CCNA2: variants seen among roughly 807,000 people sequenced by gnomAD.
The protein encoded by CCNA2 is cyclin A2, also known as cyclin-A2.
CCNA2 carries 3 observed loss-of-function variants against 49.4 expected under a neutral mutation model. The observed-to-expected ratio is 0.06, with a 90% CI of 0.03 to 0.16. The LOEUF is 0.16. Among genes scored for constraint, CCNA2 ranks in the 10% least tolerant of loss-of-function variants. The pLI is 1.00. For synonymous variants in CCNA2, 206 were observed against 197.2 expected, an observed-to-expected ratio of 1.04 and a Z score of -0.37; for missense variants, 372 against 519.7, an observed-to-expected ratio of 0.72 and a Z score of 2.76.
At position 121,818,135 on chromosome 4, in the gene CCNA2, G is replaced by A. The variant is rs200516052; in HGVS notation, c.1159C>T (p.Leu387Phe). The A allele has an allele frequency of 7.4e-6, 12 of 1,613,782 alleles. No individual in the cohort carries two copies. The Admixed American group carries it at 1.5e-4, about 20-fold the overall frequency. Residue 387 changes from leucine to phenylalanine, a missense_variant, in exon 7 of 8, where the codon CTT becomes TTT. Coordinates refer to ENST00000274026, the MANE Select transcript of CCNA2 (RefSeq NM_001237.5). ...TGAAGGTCCATGAGACAAGGCTTAA[G>A]ACTTTCCAGGGTATATCCAGTCTTT... is the stretch of plus-strand genomic sequence containing the variant. ...IRKTGYTLES[L>F]KPCLMDLHQT...
chr4:121,820,428 TA>T lies in CCNA2; in HGVS notation c.794+113del. On this transcript the variant is annotated intron_variant, in intron 4 of 7. Coordinates refer to ENST00000274026, the MANE Select transcript of CCNA2 (RefSeq NM_001237.5). This position sits in a 1 kb window ranked among gnomAD's most constrained non-coding sequence, Gnocchi z 4.1. ...CTAAGCCCCAGCACATTGCCATCCC[TA>T]AAGTAGTCACTGACTCTGCCTGGTG... 2.8e-6 allele frequency: 2 copies of T among 702,492 alleles called. No individual in the cohort carries two copies. Among genetic ancestry groups the T allele is most frequent in the Non-Finnish European group, 4.9e-6 (2 of 409,414 alleles). The allele number at this position is 702,492 out of a possible 1,614,324, so 43.5% of individuals were successfully genotyped here. A position where few individuals can be genotyped will look rare whatever the true frequency, so the allele number is the denominator to read the frequency against.
rs1290980712 is a variant in CCNA2, at chr4:121,820,401, C to T, written c.794+141G>A. ...AGAACAGTTTCATCCTCCTCCACTGCCCTAAGCCCCAGCACATTGCCATCC... is the reference window on the plus strand; with the variant it reads ...AGAACAGTTTCATCCTCCTCCACTGTCCTAAGCCCCAGCACATTGCCATCC... On this transcript the variant is annotated intron_variant, in intron 4 of 7. Transcript: ENST00000274026. This position sits in a 1 kb window ranked among gnomAD's most constrained non-coding sequence, Gnocchi z 4.1. 4.8e-6 allele frequency: 3 copies of T among 618,856 alleles called. No homozygotes were observed. The highest frequency in any genetic ancestry group is 8.7e-6 in the Non-Finnish European group (3 of 345,522). The allele number at this position is 618,856 out of a possible 1,614,324, so 38.3% of individuals were successfully genotyped here.
intron 1 of CCNA2, 99 bp from the exon 2 acceptor site, chr4:121,822,745 A>G: frequency 8.1e-7 from 1 of 1,230,060 alleles, no homozygotes; most frequent in South Asian, 1.5e-5. Context: ...CTCTATCAGG[A>G]ATTAAACTTT....
At chr4:121,821,177 A>C in intron 2 of CCNA2, 86 bp from the exon 3 acceptor site, 48 of 1,458,654 alleles carry the variant, frequency 3.3e-5, no homozygotes, top group Non-Finnish European at 3.9e-5. Flanking sequence ...AAGGAATCTC[A>C]TATTAACAAA....
intron 6 of CCNA2, among the ~76,000 whole-genome samples, chr4:121,818,529 C>T (rs1724606940): frequency 6.6e-6 from 1 of 152,132 alleles, no homozygotes; most frequent in Non-Finnish European, 1.5e-5. Context: ...CAAATCTGTA[C>T]ATATTCAAGT....
In CCNA2 at chr4:121,817,077, T is replaced by TGTTGA. The variant is rs1368812563; in HGVS notation, c.*556_*560dup. 3 of 472,602 alleles carry TGTTGA rather than the reference T, an allele frequency of 6.3e-6. No individual in the cohort carries two copies. Among genetic ancestry groups the TGTTGA allele is most frequent in the Non-Finnish European group, 7.4e-6 (2 of 271,826 alleles). The allele number at this position is 472,602 out of a possible 1,614,324, so 29.3% of individuals were successfully genotyped here. A position where few individuals can be genotyped will look rare whatever the true frequency, so the allele number is the denominator to read the frequency against. The stretch of plus-strand genomic sequence containing the variant: ...CCCACCCTCTTCCACTCCCAACCTC[T>TGTTGA]GTTGAGTTTACCTCGCAAAACCTAA... On this transcript the variant is annotated 3_prime_UTR_variant, in exon 8 of 8. Transcript: ENST00000274026.
Position 121,816,825 on chromosome 4 carries a change from AAAG to A in CCNA2, c.*810_*812del, listed in dbSNP as rs757068837. ...AAAGCACCAAGTAAAAAGCCAGTGAAAAGAAGAAAAAAGAAGAGAGCTGCCAAT... is the reference window on the plus strand; with the variant it reads ...AAAGCACCAAGTAAAAAGCCAGTGAAAAGAAAAAAGAAGAGAGCTGCCAAT... On this transcript the variant is annotated 3_prime_UTR_variant, in exon 8 of 8. Transcript: ENST00000274026. 6.9e-6 allele frequency: 11 copies of A among 1,595,052 alleles called. No individual in the cohort carries two copies. The highest frequency in any genetic ancestry group is 2.7e-5 in the African/African-American group (2 of 73,944).
In CCNA2 at chr4:121,820,349, G is replaced by T. The variant is rs1724661952; in HGVS notation, c.794+193C>A. Among the ~76,000 whole-genome samples the T allele has an allele frequency of 6.6e-6, 1 of 152,164 alleles. No homozygotes were observed. Among genetic ancestry groups the T allele is most frequent in the Non-Finnish European group, 1.5e-5 (1 of 68,036 alleles). On this transcript the variant is annotated intron_variant, in intron 4 of 7. Coordinates refer to ENST00000274026, the MANE Select transcript of CCNA2 (RefSeq NM_001237.5). This position sits in a 1 kb window ranked among gnomAD's most constrained non-coding sequence, Gnocchi z 4.1. ...TACTATATCATGTTCAAGGAATCCA[G>T]TTGGGGGAAAATTAGTGTTCTAGAT...
chr4:121,816,883 T>C lies in CCNA2; in HGVS notation c.*755A>G. 1.3e-6 allele frequency: 2 copies of C among 1,512,234 alleles called. No individual in the cohort carries two copies. The highest frequency in any genetic ancestry group is 1.3e-5 in the South Asian group (1 of 79,068). The allele number at this position is 1,512,234 out of a possible 1,614,324, so 93.7% of individuals were successfully genotyped here. ...GCTAACAGTTGTATATCTGTATATA[T>C]AACTATTAAAAGGGATATTTATTCC... is the stretch of plus-strand genomic sequence containing the variant. On this transcript the variant is annotated 3_prime_UTR_variant, in exon 8 of 8. Coordinates refer to ENST00000274026, the MANE Select transcript of CCNA2 (RefSeq NM_001237.5).
chr4:121,817,659 T>C lies in CCNA2; in HGVS notation c.1278A>G (p.Pro426=). 6.2e-7 allele frequency: 1 copy of C among 1,613,886 alleles called. No individual in the cohort carries two copies. Among genetic ancestry groups the C allele is most frequent in the South Asian group, 1.1e-5 (1 of 91,070 alleles). The change falls in exon 8 of 8, where the codon CCA becomes CCG. Residue 426 remains proline, a synonymous_variant. Coordinates refer to ENST00000274026, the MANE Select transcript of CCNA2 (RefSeq NM_001237.5). Reference sequence around the variant, plus strand: ...ATTGTTACAGATTTAGTGTCTCTGGTGGGTTGAGGAGAGAAACACCATGAT... The same window carrying C: ...ATTGTTACAGATTTAGTGTCTCTGGCGGGTTGAGGAGAGAAACACCATGAT... The part of the protein sequence containing the change: ...SKYHGVSLLN[P]PETLNL
Position 121,823,481 on chromosome 4 carries a change from G to A in CCNA2, c.148C>T (p.Leu50=), listed in dbSNP as rs1209654256. 6.2e-7 allele frequency: 1 copy of A among 1,613,502 alleles called. No individual in the cohort carries two copies. The highest frequency in any genetic ancestry group is 1.7e-5 in the Admixed American group (1 of 59,954). Residue 50 remains leucine (L), a synonymous_variant, in exon 1 of 8, where the codon CTG becomes TTG. Coordinates refer to ENST00000274026, the MANE Select transcript of CCNA2 (RefSeq NM_001237.5). ...GGGTTCCCGGACTTCAGTACCGCCA[G>A]CGCGGCCCGGGTCCGCGGTTGTTGG... is the stretch of plus-strand genomic sequence containing the variant. ...PVQQPRTRAA[L]AVLKSGNPRG...
chr4:121,820,684 A>T lies in CCNA2; in HGVS notation c.652T>A (p.Leu218Ile). Residue 218 changes from leucine to isoleucine, a missense_variant, in exon 4 of 8, where the codon TTA becomes ATA. Physicochemically the swap from Leu to Ile is conservative, Grantham distance 5. This residue lies in a region of CCNA2 where 155 missense variants were observed against 288.1 expected (regional missense o/e 0.54). Coordinates refer to ENST00000274026, the MANE Select transcript of CCNA2 (RefSeq NM_001237.5). The surrounding 1 kb of genome is among the most constrained non-coding windows in gnomAD (Gnocchi z 4.1). ...TTATATTCTTCTCCTACTTCAACTA[A>T]CCAGTCCACGAGGATAGCTCTCATA... Reference protein sequence around the residue: ...NSMRAILVDWLVEVGEEYKLQ... With the variant: ...NSMRAILVDWIVEVGEEYKLQ... The T allele has an allele frequency of 6.2e-7, 1 of 1,613,914 alleles. No homozygotes were observed. Among genetic ancestry groups the T allele is most frequent in the Non-Finnish European group, 8.5e-7 (1 of 1,179,828 alleles).
At position 121,816,641 on chromosome 4, in the gene CCNA2, C is replaced by A; in HGVS notation, c.*997G>T. On this transcript the variant is annotated 3_prime_UTR_variant, in exon 8 of 8. Transcript: ENST00000274026. ...TTAGGACCTAAATCTATAATATAAACTTCTTGGATGCCAGTCTTACTCATA... is the reference window on the plus strand; with the variant it reads ...TTAGGACCTAAATCTATAATATAAAATTCTTGGATGCCAGTCTTACTCATA... 3.1e-6 allele frequency: 3 copies of A among 964,710 alleles called. No homozygotes were observed. The highest frequency in any genetic ancestry group is 2.1e-5 in the South Asian group (1 of 48,480). 59.8% of individuals were successfully genotyped at this position (964,710 alleles called of 1,614,324 possible).
At position 121,818,287 on chromosome 4, in the gene CCNA2, TTTCCAAC is replaced by T. The variant is rs1250364148; in HGVS notation, c.1117-117_1117-111del. On this transcript the variant is annotated intron_variant, in intron 6 of 7. Transcript: ENST00000274026. ...TAAATTCCAGTACTAATCTTTAACT[TTTCCAAC>T]TACTAGTTTTCTCAGGCCATTATTC... 9 of 951,912 alleles carry T rather than the reference TTTCCAAC, an allele frequency of 9.5e-6. No individual in the cohort carries two copies. The East Asian group carries it at 2.3e-4, about 24-fold the overall frequency. 59.0% of individuals were successfully genotyped at this position (951,912 alleles called of 1,614,324 possible). A position where few individuals can be genotyped will look rare whatever the true frequency, so the allele number is the denominator to read the frequency against.
rs981753726 is a variant in CCNA2 at position 121,821,013 on chromosome 4, T to C, written c.536A>G (p.His179Arg). 1.9e-6 allele frequency: 3 copies of C among 1,612,918 alleles called. No homozygotes were observed. Among genetic ancestry groups the C allele is most frequent in the African/African-American group, 2.7e-5 (2 of 74,920 alleles). The change falls in exon 3 of 8, where the codon CAT (histidine) becomes CGT (arginine). Residue 179 changes from histidine (H) to arginine (R), a missense_variant. Transcript: ENST00000274026. ...PVSVNEVPDY[H>R]EDIHTYLREM... Reference sequence around the variant, plus strand: ...CCTAAGGTATGTGTGAATATCCTCATGGTAGTCTGGTACTTCATTAACACT... The same window carrying C: ...CCTAAGGTATGTGTGAATATCCTCACGGTAGTCTGGTACTTCATTAACACT...
rs1430342830 is a variant in CCNA2 at position 121,817,327 on chromosome 4, T to A, written c.*311A>T. The A allele has an allele frequency of 3.6e-6, 1 of 274,058 alleles. No homozygotes were observed. The allele number at this position is 274,058 out of a possible 1,614,324, so 17.0% of individuals were successfully genotyped here. On this transcript the variant is annotated 3_prime_UTR_variant, in exon 8 of 8. Coordinates refer to ENST00000274026, the MANE Select transcript of CCNA2 (RefSeq NM_001237.5). ...CATTATATAGTAAACCAAGTAAACTTCTTTACTAAGCAAAATCCTGAAGAA... is the reference window on the plus strand; with the variant it reads ...CATTATATAGTAAACCAAGTAAACTACTTTACTAAGCAAAATCCTGAAGAA...
Position 121,823,693 on chromosome 4 carries a change from C to T in CCNA2, c.-65G>A, listed in dbSNP as rs1724764533. On this transcript the variant is annotated 5_prime_UTR_variant, in exon 1 of 8. Coordinates refer to ENST00000274026, the MANE Select transcript of CCNA2 (RefSeq NM_001237.5). ...GCCAAGCAGCGTGCACTCTGCCCAG[C>T]CGACCACTCGCACCGACCCGGCCAA... is the stretch of plus-strand genomic sequence containing the variant. 6.7e-7 allele frequency: 1 copy of T among 1,489,140 alleles called. No individual in the cohort carries two copies. The highest frequency in any genetic ancestry group is 1.4e-5 in the African/African-American group (1 of 72,224). 92.2% of individuals were successfully genotyped at this position (1,489,140 alleles called of 1,614,324 possible). A position where few individuals can be genotyped will look rare whatever the true frequency, so the allele number is the denominator to read the frequency against.
chr4:121,821,051 A>G lies in CCNA2; in HGVS notation c.498T>C (p.Asp166=), dbSNP rs1456413886. 3 of 1,613,150 alleles carry G rather than the reference A, an allele frequency of 1.9e-6. No homozygotes were observed. The African/African-American group carries it at 4.0e-5, about 22-fold the overall frequency. The change falls in exon 3 of 8, where the codon GAT becomes GAC. Residue 166 remains aspartate, a synonymous_variant. Coordinates refer to ENST00000274026, the MANE Select transcript of CCNA2 (RefSeq NM_001237.5). ...CTTCATTAACACTCACTGGCTTTTC[A>G]TCTTCTAATATAATTGACATGTCCA... ...HTMDMSIILE[D]EKPVSVNEVP...
chr4:121,818,461 T>C (rs1411800485), intron 6 of CCNA2, among the ~76,000 whole-genome samples: 1 of 152,156 alleles, frequency 6.6e-6, no homozygotes, highest in Non-Finnish European at 1.5e-5. Flanking sequence ...TTAAACAGTA[T>C]ATAATCATCC....
Sources: allele counts gnomAD v4.1 joint callset (sites outside exome capture counted in the v4.1 genomes callset), GRCh38; gene constraint gnomAD v4.1.1; regional missense constraint gnomAD v4.1.1; non-coding constraint Gnocchi (gnomAD v3.1); transcripts MANE v1.5; gene names NCBI Gene and HGNC (gene_info 2026-07-23, HGNC 2026-07-21).